KCNT2: variants seen among roughly 807,000 people sequenced by gnomAD.
The protein encoded by KCNT2 is potassium sodium-activated channel subfamily T member 2.
KCNT2 carries 67 observed loss-of-function variants against 153.8 expected under a neutral mutation model. The ratio of observed to expected loss-of-function variants is 0.44; its 90% CI spans 0.36 to 0.53. The LOEUF is 0.53. KCNT2 is among the 20% of genes least tolerant of loss of function. KCNT2 has a pLI of 0.00. For missense variants in KCNT2, 975 were observed against 1,354.8 expected (o/e 0.72, Z 4.40); for synonymous variants, 500 against 458.8 (o/e 1.09, Z -1.15).
chr1:196,372,460 A>G (rs779084150), intron 14 of KCNT2, among the ~76,000 whole-genome samples: 1 of 151,924 alleles, frequency 6.6e-6, no homozygotes, highest in Admixed American at 6.6e-5. Flanking sequence ...AATGAAGTAC[A>G]TTTGTCTCTT....
At chr1:196,338,254 C>T (rs886375819) in intron 16 of KCNT2, among the ~76,000 whole-genome samples, 1 of 151,304 alleles carries the variant, frequency 6.6e-6, no homozygotes, top group Non-Finnish European at 1.5e-5. Flanking sequence ...GTTTTAAGGC[C>T]CATTGGTGAA....
intron 26 of KCNT2, among the ~76,000 whole-genome samples, chr1:196,237,471 A>G (rs1654545791): frequency 2.0e-5 from 3 of 151,722 alleles, no homozygotes; most frequent in African/African-American, 7.2e-5. Flanking sequence ...CTCCACATCT[A>G]TGGGATAGAC....
At chr1:196,241,932 A>AT (rs1654996581) in intron 26 of KCNT2, among the ~76,000 whole-genome samples, 1 of 152,094 alleles carries the variant, frequency 6.6e-6, no homozygotes. Flanking sequence ...ACCTTGCAAT[A>AT]TTTTTTAACA....
intron 3 of KCNT2, among the ~76,000 whole-genome samples, chr1:196,489,076 G>A (rs1679659034): frequency 6.6e-6 from 1 of 151,908 alleles, no homozygotes; most frequent in Non-Finnish European, 1.5e-5. Flanking sequence ...TGAGGAGCAG[G>A]AAACTTAATT....
chr1:196,276,149 G>T (rs753285211), intron 25 of KCNT2, among the ~76,000 whole-genome samples: 4 of 151,806 alleles, frequency 2.6e-5, no homozygotes, highest in Non-Finnish European at 4.4e-5. Context: ...GTCATTAACA[G>T]TCTTTTCCAT....
intron 14 of KCNT2, among the ~76,000 whole-genome samples, chr1:196,368,007 T>C (rs926628028): frequency 6.6e-6 from 1 of 152,126 alleles, no homozygotes; most frequent in African/African-American, 2.4e-5. Context: ...GTAAAGATGT[T>C]GGAATAAGAA....
At chr1:196,463,038 T>C (rs1306327519) in intron 8 of KCNT2, among the ~76,000 whole-genome samples, 1 of 151,650 alleles carries the variant, frequency 6.6e-6, no homozygotes, top group Non-Finnish European at 1.5e-5. Flanking sequence ...AGGGCAGCCA[T>C]CTTGAACCAT....
intron 19 of KCNT2, among the ~76,000 whole-genome samples, chr1:196,319,877 T>TC (rs748138984): frequency 2.4e-4 from 37 of 151,764 alleles, no homozygotes; most frequent in Admixed American, 9.2e-4. Context: ...TTAAAAGTTA[T>TC]CCATGCACAG....
At chr1:196,529,779 G>T (rs2148845342) in intron 1 of KCNT2, among the ~76,000 whole-genome samples, 1 of 152,102 alleles carries the variant, frequency 6.6e-6, no homozygotes, top group South Asian at 2.1e-4. Flanking sequence ...CAAATAAATT[G>T]TCATAATATT....
chr1:196,575,705 G>A (rs964649312), intron 1 of KCNT2, among the ~76,000 whole-genome samples: 1 of 138,938 alleles, frequency 7.2e-6, no homozygotes, highest in Admixed American at 8.0e-5. Context: ...TTGAGGAAGA[G>A]GGCGGAATGC....
intron 27 of KCNT2, among the ~76,000 whole-genome samples, chr1:196,234,477 A>G (rs1325879019): frequency 6.6e-6 from 1 of 151,314 alleles, no homozygotes; most frequent in African/African-American, 2.4e-5. Context: ...GCTTGCCTTT[A>G]CAATGCTTTA....
At chr1:196,280,737 C>T (rs1004205348) in intron 25 of KCNT2, 123 bp downstream of exon 25, 30 of 915,272 alleles carry the variant, frequency 3.3e-5, no homozygotes, top group African/African-American at 8.4e-5. Flanking sequence ...TTTAACACTA[C>T]GTATTCAGGT....
chr1:196,432,896 T>C (rs959846633), intron 8 of KCNT2, among the ~76,000 whole-genome samples: 1 of 152,122 alleles, frequency 6.6e-6, no homozygotes, highest in African/African-American at 2.4e-5. Flanking sequence ...TGCATTTTGA[T>C]GGGCCAGGAG....
intron 8 of KCNT2, among the ~76,000 whole-genome samples, chr1:196,446,729 A>T (rs891032327): frequency 4.0e-5 from 6 of 151,584 alleles, no homozygotes; most frequent in African/African-American, 1.2e-4. Flanking sequence ...GTCCACATTT[A>T]AAACCTAGTG....
rs1662201497 is a variant in KCNT2, at chr1:196,582,617, T to G, written c.95+25598A>C. ...GTCAAGTTCCCAATTTCTTCAGTCC[T>G]GGCCACTACCTTAGTGCCTCCACAA... On this transcript the variant is annotated intron_variant, in intron 1 of 27. Coordinates refer to ENST00000294725, the MANE Select transcript of KCNT2 (RefSeq NM_198503.5). 2 of 154,266 alleles carry G rather than the reference T, an allele frequency of 1.3e-5. 1 individual carries two copies. The highest frequency in any genetic ancestry group is 4.1e-4 in the South Asian group (2 of 4,926). 9.6% of individuals were successfully genotyped at this position (154,266 alleles called of 1,614,324 possible). A position where few individuals can be genotyped will look rare whatever the true frequency, so the allele number is the denominator to read the frequency against.
Position 196,366,438 on chromosome 1 carries a change from C to T in KCNT2, c.1403+6702G>A, listed in dbSNP as rs184551247. Among the ~76,000 whole-genome samples the T allele has an allele frequency of 3.2e-3, 481 of 152,182 alleles. 8 individuals carry two copies. Among genetic ancestry groups the T allele is most frequent in the Middle Eastern group, 0.02 (6 of 294 alleles). On this transcript the variant is annotated intron_variant, in intron 14 of 27. Coordinates refer to ENST00000294725, the MANE Select transcript of KCNT2 (RefSeq NM_198503.5). ...CCTCCCAAAGTGCTGGGATTACAGGCGTGAGCCACCACACCCGGCTTTTGC... is the reference window on the plus strand; with the variant it reads ...CCTCCCAAAGTGCTGGGATTACAGGTGTGAGCCACCACACCCGGCTTTTGC...
chr1:196,459,253 CA>C (rs1676944531), intron 8 of KCNT2, among the ~76,000 whole-genome samples: 1 of 151,594 alleles, frequency 6.6e-6, no homozygotes, highest in African/African-American at 2.4e-5. Context: ...TATACTTTGC[CA>C]TTTAATAATT....
chr1:196,268,303 A>G (rs542117312), intron 25 of KCNT2, among the ~76,000 whole-genome samples: 1 of 152,172 alleles, frequency 6.6e-6, no homozygotes, highest in Non-Finnish European at 1.5e-5. Flanking sequence ...TTACACATAC[A>G]TATACACCTA....
intron 1 of KCNT2, among the ~76,000 whole-genome samples, chr1:196,522,788 C>T (rs114322741): frequency 0.021 from 3,125 of 152,050 alleles, 114 homozygotes; most frequent in African/African-American, 0.069. Flanking sequence ...CTGTAAAAAA[C>T]GCACTAATCA....
Sources: allele counts gnomAD v4.1 joint callset (sites outside exome capture counted in the v4.1 genomes callset), GRCh38; gene constraint gnomAD v4.1.1; transcripts MANE v1.5; gene names NCBI Gene and HGNC (gene_info 2026-07-23, HGNC 2026-07-21).